TTBK2: variants seen among roughly 807,000 people sequenced by gnomAD.
TTBK2 encodes tau-tubulin kinase 2.
TTBK2 carries 28 observed loss-of-function variants against 110.8 expected under a neutral mutation model. That is an observed-to-expected ratio of 0.25 (90% CI 0.19 to 0.35). The LOEUF is 0.35. Among genes scored for constraint, TTBK2 ranks in the 10% least tolerant of loss-of-function variants. The probability of loss-of-function intolerance (pLI) is 1.00; values close to 1 mark genes in which losing one functional copy is unlikely to be tolerated. For missense variants in TTBK2, 1,369 were observed against 1,500.3 expected, an observed-to-expected ratio of 0.91 and a Z score of 1.45; for synonymous variants, 532 against 527.3, an observed-to-expected ratio of 1.01 and a Z score of -0.12.
chr15:42,853,352 G>A (rs1893797240), intron 3 of TTBK2, among the ~76,000 whole-genome samples: 1 of 151,970 alleles, frequency 6.6e-6, no homozygotes, highest in Admixed American at 6.6e-5. Flanking sequence ...ATTTATATGA[G>A]GCAAGACAAA....
At chr15:42,884,902 C>T (rs2141148599) in intron 1 of TTBK2, among the ~76,000 whole-genome samples, 1 of 151,822 alleles carries the variant, frequency 6.6e-6, no homozygotes, top group Non-Finnish European at 1.5e-5. Context: ...GATTTGTTTC[C>T]CCCCACCCTT....
In TTBK2 at chr15:42,739,483, G is replaced by A. The variant is rs2061737596; in HGVS notation, c.*6312C>T. The A allele has an allele frequency of 6.6e-6, 1 of 152,122 alleles. No homozygotes were observed. Among genetic ancestry groups the A allele is most frequent in the African/African-American group, 2.4e-5 (1 of 41,412 alleles). 9.4% of individuals were successfully genotyped at this position (152,122 alleles called of 1,614,324 possible). A position where few individuals can be genotyped will look rare whatever the true frequency, so the allele number is the denominator to read the frequency against. ...AAAGCTGGGAACTTGTAAGTAAATG[G>A]CCTAGTGAAATAGACACTGGCTATT... On this transcript the variant is annotated 3_prime_UTR_variant, in exon 15 of 15. Transcript: ENST00000267890.
intron 1 of TTBK2, among the ~76,000 whole-genome samples, chr15:42,894,958 A>G (rs1310901081): frequency 2.0e-5 from 3 of 152,188 alleles, no homozygotes; most frequent in Non-Finnish European, 2.9e-5. Flanking sequence ...CTAAAAATGA[A>G]AACCACATGA....
At chr15:42,797,036 A>G (rs1327367472) in intron 9 of TTBK2, among the ~76,000 whole-genome samples, 3 of 152,254 alleles carry the variant, frequency 2.0e-5, no homozygotes, top group Non-Finnish European at 4.4e-5. Flanking sequence ...GGCCGTAGAA[A>G]ACACAAAGGA....
chr15:42,763,623 A>C (rs2140680273), intron 13 of TTBK2, among the ~76,000 whole-genome samples: 1 of 152,300 alleles, frequency 6.6e-6, no homozygotes, highest in South Asian at 2.1e-4. Context: ...TGATCTAGTC[A>C]CTATACATTG....
intron 1 of TTBK2, among the ~76,000 whole-genome samples, chr15:42,885,597 G>A (rs1465590728): frequency 6.6e-6 from 1 of 152,134 alleles, no homozygotes; most frequent in South Asian, 2.1e-4. Context: ...GACCATGCAG[G>A]GTCACCTGCC....
chr15:42,762,689 G>A (rs2062047198), intron 13 of TTBK2, among the ~76,000 whole-genome samples: 1 of 152,112 alleles, frequency 6.6e-6, no homozygotes, highest in South Asian at 2.1e-4. Flanking sequence ...CTGTACTCCA[G>A]CCTGGGTGAC....
At chr15:42,776,166 G>A (rs1889912319) in intron 12 of TTBK2, among the ~76,000 whole-genome samples, 2 of 152,186 alleles carry the variant, frequency 1.3e-5, no homozygotes, top group Admixed American at 1.3e-4. Context: ...TAAAATGGAC[G>A]CCAGATTGGA....
chr15:42,816,085 A>AATATATATATATATATATATAT (rs71431870), intron 7 of TTBK2, among the ~76,000 whole-genome samples: 1 of 67,444 alleles, frequency 1.5e-5, no homozygotes, highest in Admixed American at 2.2e-4. Context: ...TAAATAAATA[A>AATATATATATATATATATATAT]ATATATATAT....
chr15:42,750,335 C>T (rs1001132952), intron 14 of TTBK2, among the ~76,000 whole-genome samples: 1 of 151,802 alleles, frequency 6.6e-6, no homozygotes, highest in Non-Finnish European at 1.5e-5. Context: ...CTTAAGGATG[C>T]TTGAAAAACT....
chr15:42,853,898 A>G (rs1307136409), intron 3 of TTBK2, among the ~76,000 whole-genome samples: 1 of 152,006 alleles, frequency 6.6e-6, no homozygotes, highest in Non-Finnish European at 1.5e-5. Context: ...AATAAAAAAT[A>G]AAAAATAAAT....
chr15:42,784,422 C>T (rs1454423907), intron 10 of TTBK2, among the ~76,000 whole-genome samples: 2 of 151,938 alleles, frequency 1.3e-5, no homozygotes, highest in African/African-American at 2.4e-5. Context: ...GGATTACAGG[C>T]GCCCACCACC....
intron 3 of TTBK2, among the ~76,000 whole-genome samples, chr15:42,868,473 C>T (rs1026014015): frequency 6.6e-6 from 1 of 152,060 alleles, no homozygotes; most frequent in African/African-American, 2.4e-5. Context: ...TAGGATACCT[C>T]TATACTTTCC....
At chr15:42,810,580 A>G in intron 9 of TTBK2, 34 bp downstream of exon 9, 3 of 1,612,510 alleles carry the variant, frequency 1.9e-6, no homozygotes, top group Non-Finnish European at 2.5e-6. Context: ...AAGAGAGAAA[A>G]TAACTAACCC....
intron 11 of TTBK2, among the ~76,000 whole-genome samples, chr15:42,780,833 G>A (rs1032625080): frequency 8.6e-5 from 13 of 151,940 alleles, no homozygotes; most frequent in East Asian, 7.7e-4. Context: ...GCGTGGTGGC[G>A]GGTGCCTGTA....
At chr15:42,785,206 G>A (rs1890358154) in intron 10 of TTBK2, among the ~76,000 whole-genome samples, 5 of 139,246 alleles carry the variant, frequency 3.6e-5, no homozygotes, top group East Asian at 2.1e-4. Context: ...TGCAACCTCC[G>A]CCCCCGGGGT....
chr15:42,843,589 T>C (rs975464609), intron 3 of TTBK2, among the ~76,000 whole-genome samples: 2 of 151,788 alleles, frequency 1.3e-5, no homozygotes, highest in Non-Finnish European at 2.9e-5. Context: ...TGAAACCCCA[T>C]CTCTACTAAA....
chr15:42,774,432 A>G (rs989032059), intron 13 of TTBK2, among the ~76,000 whole-genome samples: 2 of 152,158 alleles, frequency 1.3e-5, no homozygotes, highest in African/African-American at 4.8e-5. Flanking sequence ...GTTTACTGGT[A>G]ACAGGATAAC....
rs1374328506 is a variant in TTBK2 at position 42,907,918 on chromosome 15, A to AT, written c.-68+12519_-68+12520insA. Among the ~76,000 whole-genome samples, 125 of 151,008 alleles carry AT rather than the reference A, an allele frequency of 8.3e-4. 1 individual carries two copies. Among genetic ancestry groups the AT allele is most frequent in the African/African-American group, 2.7e-3 (110 of 41,116 alleles). On this transcript the variant is annotated intron_variant, in intron 1 of 14. Coordinates refer to ENST00000267890, the MANE Select transcript of TTBK2 (RefSeq NM_173500.4). ...AAACCCCATCTCTACAAAAAAAAAA[A>AT]AAATAATAATAATAATAATTAGCCT...
Sources: gnomAD v4.1 joint callset for allele counts (sites outside exome capture counted in the v4.1 genomes callset) on GRCh38, gnomAD v4.1.1 for gene constraint, MANE v1.5 for transcripts, NCBI Gene and HGNC (gene_info 2026-07-23, HGNC 2026-07-21) for gene names.